The following KIF5A variants were observed in gnomAD, a reference collection of about 807,000 sequenced individuals.
The protein encoded by KIF5A is kinesin family member 5A.
Under a neutral mutation model 141.3 loss-of-function variants are expected in KIF5A, and 35 were observed. The ratio of observed to expected loss-of-function variants is 0.25; its 90% CI spans 0.19 to 0.33. The LOEUF is 0.33. Ranked by LOEUF, KIF5A falls within the 10% of genes least tolerant of loss-of-function variation. KIF5A has a pLI of 1.00. For missense variants in KIF5A, 861 were observed against 1,314.3 expected, an observed-to-expected ratio of 0.66 and a Z score of 5.33; for synonymous variants, 448 against 500.2, an observed-to-expected ratio of 0.90 and a Z score of 1.39.
chr12:57,572,699 CATT>C lies in KIF5A; in HGVS notation c.1690_1692del (p.Ile564del). The C allele has an allele frequency of 6.2e-7, 1 of 1,614,200 alleles. No individual in the cohort carries two copies. ...TGAAGGATCTGAGCGAGTTCAGTGTCATTGTGGGCAACGGGGAGATTAAGCTGG... is the reference window on the plus strand; with the variant it reads ...TGAAGGATCTGAGCGAGTTCAGTGTCGTGGGCAACGGGGAGATTAAGCTGG... On this transcript the variant is annotated inframe_deletion, in exon 15 of 29. Coordinates refer to ENST00000455537, the MANE Select transcript of KIF5A (RefSeq NM_004984.4). The surrounding 1 kb of genome is among the most constrained non-coding windows in gnomAD (Gnocchi z 4.2).
chr12:57,567,293 A>G, intron 7 of KIF5A, 80 bp downstream of exon 7: 1 of 1,313,410 alleles, frequency 7.6e-7, no homozygotes, highest in Non-Finnish European at 1.1e-6. Context: ...GGGACTCAAA[A>G]GTGAGCAAGG....
At chr12:57,565,817 G>T (rs544227736) in intron 6 of KIF5A, among the ~76,000 whole-genome samples, 1 of 151,584 alleles carries the variant, frequency 6.6e-6, no homozygotes, top group East Asian at 2.0e-4. Flanking sequence ...TAGAGACGGG[G>T]TTTCACCATG....
chr12:57,578,143 TG>T, intron 22 of KIF5A, 63 bp downstream of exon 22: 1 of 1,575,932 alleles, frequency 6.3e-7, no homozygotes, highest in East Asian at 2.2e-5. Flanking sequence ...AGGTTTCTCC[TG>T]CCCCTGTTGC....
In KIF5A at chr12:57,578,119, C is replaced by A. The variant is rs781342764; in HGVS notation, c.2433+39C>A. The A allele has an allele frequency of 1.0e-5, 16 of 1,590,056 alleles. No individual in the cohort carries two copies. The Admixed American group carries it at 2.7e-4, about 27-fold the overall frequency. On this transcript the variant is annotated intron_variant, in intron 22 of 28. Coordinates refer to ENST00000455537, the MANE Select transcript of KIF5A (RefSeq NM_004984.4). ...TTGGGGTTTTGTCAGCCCCCACATCCTCCTCCTATCCTTAGGTTTCTCCTG... is the reference window on the plus strand; with the variant it reads ...TTGGGGTTTTGTCAGCCCCCACATCATCCTCCTATCCTTAGGTTTCTCCTG...
intron 26 of KIF5A, 25 bp downstream of exon 26, chr12:57,581,977 C>T (rs780091709): frequency 4.8e-5 from 77 of 1,595,778 alleles, no homozygotes; most frequent in South Asian, 3.3e-5. Context: ...TGGGTAATCC[C>T]ACCTTTGGGG....
At chr12:57,565,294 G>A (rs1294965456) in intron 6 of KIF5A, among the ~76,000 whole-genome samples, 1 of 152,068 alleles carries the variant, frequency 6.6e-6, no homozygotes, top group Non-Finnish European at 1.5e-5. Flanking sequence ...GGTGGCACAT[G>A]CTTGTAATCC....
chr12:57,579,743 A>AACAC (rs144691117), intron 23 of KIF5A, among the ~76,000 whole-genome samples: 1 of 152,062 alleles, frequency 6.6e-6, no homozygotes, highest in Non-Finnish European at 1.5e-5. Context: ...TGTTGCTTAG[A>AACAC]ACACACACAC....
intron 12 of KIF5A, among the ~76,000 whole-genome samples, chr12:57,570,959 ATTTTTTT>A (rs58715013): frequency 2.3e-5 from 3 of 129,372 alleles, no homozygotes; most frequent in African/African-American, 2.9e-5. Flanking sequence ...CGCCCAGCTA[ATTTTTTT>A]TTTTTTTTTT....
At position 57,569,312 on chromosome 12, in the gene KIF5A, CG is replaced by C; in HGVS notation, c.881del (p.Gly294GlufsTer25). ...TGACAAGGATTCTCCAGGACTCTCT[CG>C]GGGGAAACTGCCGGACGACTATGTT... is the stretch of plus-strand genomic sequence containing the variant. ...KMTRILQDSL[G>X]GNCRTTMFIC... On this transcript the variant is annotated frameshift_variant, in exon 10 of 29. Transcript: ENST00000455537. LOFTEE classifies it high-confidence loss of function. 1 of 1,613,936 alleles carries C rather than the reference CG, an allele frequency of 6.2e-7. No homozygotes were observed. Among genetic ancestry groups the C allele is most frequent in the Non-Finnish European group, 8.5e-7 (1 of 1,179,904 alleles).
At position 57,586,218 on chromosome 12, in the gene KIF5A, C is replaced by T. The variant is rs1882756266; in HGVS notation, c.*2037C>T. ...AGGCTAATATTTGCTGTCAGCAGGGCACTTAAGAATCCAGGGGGTTTTATG... is the reference window on the plus strand; with the variant it reads ...AGGCTAATATTTGCTGTCAGCAGGGTACTTAAGAATCCAGGGGGTTTTATG... On this transcript the variant is annotated 3_prime_UTR_variant, in exon 29 of 29. Coordinates refer to ENST00000455537, the MANE Select transcript of KIF5A (RefSeq NM_004984.4). 2.0e-5 allele frequency: 3 copies of T among 152,078 alleles called. No individual in the cohort carries two copies. Among genetic ancestry groups the T allele is most frequent in the South Asian group, 4.1e-4 (2 of 4,822 alleles). The allele number at this position is 152,078 out of a possible 1,614,324, so 9.4% of individuals were successfully genotyped here.
At chr12:57,567,410 G>A (rs1473613201) in intron 7 of KIF5A, 84 bp from the exon 8 acceptor site, 8 of 1,560,574 alleles carry the variant, frequency 5.1e-6, no homozygotes, top group South Asian at 2.3e-5. Context: ...CTGGGTGGGC[G>A]GGGCTGGGGT....
At chr12:57,558,968 G>A (rs539983657) in intron 1 of KIF5A, among the ~76,000 whole-genome samples, 1 of 152,044 alleles carries the variant, frequency 6.6e-6, no homozygotes, top group Non-Finnish European at 1.5e-5. Flanking sequence ...TGTAGAGACA[G>A]GGTCTCCCTA....
intron 1 of KIF5A, among the ~76,000 whole-genome samples, chr12:57,561,278 A>G (rs1334122128): frequency 6.6e-6 from 1 of 152,134 alleles, no homozygotes; most frequent in African/African-American, 2.4e-5. Flanking sequence ...GACCTCAAGT[A>G]ATCTGCCTGC....
intron 6 of KIF5A, among the ~76,000 whole-genome samples, chr12:57,566,335 C>A (rs1268056409): frequency 6.6e-6 from 1 of 151,842 alleles, no homozygotes; most frequent in Admixed American, 6.6e-5. Flanking sequence ...AACTCCTGAC[C>A]TCAGGTGATC....
At chr12:57,569,441 C>T (rs1166454141) in intron 10 of KIF5A, 37 bp downstream of exon 10, 9 of 1,613,854 alleles carry the variant, frequency 5.6e-6, no homozygotes, top group Non-Finnish European at 7.6e-6. Flanking sequence ...CCCTGGTACC[C>T]AGCTTCCCAT....
At chr12:57,566,535 T>C (rs974071387) in intron 6 of KIF5A, among the ~76,000 whole-genome samples, 14 of 151,682 alleles carry the variant, frequency 9.2e-5, no homozygotes, top group African/African-American at 3.4e-4. Flanking sequence ...CTCAGCCTCC[T>C]GAGTAGCTGG....
chr12:57,566,779 A>C (rs375349119), intron 6 of KIF5A, among the ~76,000 whole-genome samples: 5 of 151,440 alleles, frequency 3.3e-5, no homozygotes, highest in Admixed American at 1.3e-4. Context: ...TGGTGGCTCA[A>C]GCCTGTAATC....
intron 1 of KIF5A, among the ~76,000 whole-genome samples, chr12:57,561,102 C>T (rs1881897545): frequency 6.6e-6 from 1 of 152,042 alleles, no homozygotes; most frequent in Non-Finnish European, 1.5e-5. Flanking sequence ...TGCAGTGGCC[C>T]GATCTTGGCT....
At position 57,585,960 on chromosome 12, in the gene KIF5A, T is replaced by C. The variant is rs1594929558; in HGVS notation, c.*1779T>C. ...TGGTGGAAGAAGTCTCAGCGTCTCTTAGGACTGACTGTTCAAAGGCTCCTC... is the reference window on the plus strand; with the variant it reads ...TGGTGGAAGAAGTCTCAGCGTCTCTCAGGACTGACTGTTCAAAGGCTCCTC... On this transcript the variant is annotated 3_prime_UTR_variant, in exon 29 of 29. Coordinates refer to ENST00000455537, the MANE Select transcript of KIF5A (RefSeq NM_004984.4). 6.7e-6 allele frequency: 1 copy of C among 150,058 alleles called. No individual in the cohort carries two copies. Among genetic ancestry groups the C allele is most frequent in the Non-Finnish European group, 1.5e-5 (1 of 67,710 alleles). The allele number at this position is 150,058 out of a possible 1,614,324, so 9.3% of individuals were successfully genotyped here.
Sources: allele counts gnomAD v4.1 joint callset (sites outside exome capture counted in the v4.1 genomes callset), GRCh38; gene constraint gnomAD v4.1.1; non-coding constraint Gnocchi (gnomAD v3.1); transcripts MANE v1.5; gene names NCBI Gene and HGNC (gene_info 2026-07-23, HGNC 2026-07-21).